PRLR: variants seen among roughly 807,000 people sequenced by gnomAD.
The protein encoded by PRLR is hPRL receptor.
A neutral mutation model predicts 40.2 loss-of-function variants in PRLR; 13 were observed. The observed-to-expected ratio is 0.32, with a 90% confidence interval of 0.21 to 0.51. The LOEUF is 0.51. Ranked by LOEUF, PRLR falls within the 20% of genes least tolerant of loss-of-function variation. The probability of loss-of-function intolerance (pLI) is 0.97; values close to 1 mark genes in which losing one functional copy is unlikely to be tolerated. For synonymous variants in PRLR, 269 were observed against 278.7 expected (o/e 0.97, Z 0.35); for missense variants, 656 against 747.3 (o/e 0.88, Z 1.42).
intron 2 of PRLR, among the ~76,000 whole-genome samples, chr5:35,094,265 G>A (rs950901493): frequency 1.3e-5 from 2 of 151,864 alleles, no homozygotes; most frequent in Admixed American, 1.3e-4. Flanking sequence ...TATATAAATA[G>A]GATCATACAA....
intron 1 of PRLR, among the ~76,000 whole-genome samples, chr5:35,137,921 C>T (rs560595426): frequency 1.1e-4 from 17 of 152,150 alleles, no homozygotes; most frequent in South Asian, 2.1e-4. Flanking sequence ...GATGACAGAG[C>T]GAGACTCCAT....
At chr5:35,106,042 G>A (rs1320540849) in intron 2 of PRLR, among the ~76,000 whole-genome samples, 10 of 152,324 alleles carry the variant, frequency 6.6e-5, no homozygotes, top group East Asian at 1.9e-4. Flanking sequence ...CAGAAACTCT[G>A]CAAGCCAGAA....
intron 1 of PRLR, among the ~76,000 whole-genome samples, chr5:35,227,593 C>T (rs907305188): frequency 1.3e-5 from 2 of 152,210 alleles, no homozygotes; most frequent in African/African-American, 4.8e-5. Flanking sequence ...GAATACCTCA[C>T]CAAAGTATAC....
rs895619800 is a variant in PRLR, at chr5:35,060,756, C to T, written c.*4333G>A. On this transcript the variant is annotated 3_prime_UTR_variant, in exon 10 of 10. Coordinates refer to ENST00000618457, the MANE Select transcript of PRLR (RefSeq NM_000949.7). ...GAGACTTTCGTCAATGGCACATCTACGTTAGCAATGCTTGGGATGGTAATT... is the reference window on the plus strand; with the variant it reads ...GAGACTTTCGTCAATGGCACATCTATGTTAGCAATGCTTGGGATGGTAATT... 1.2e-4 allele frequency: 18 copies of T among 152,298 alleles called. No homozygotes were observed. The highest frequency in any genetic ancestry group is 4.1e-4 in the South Asian group (2 of 4,828). 9.4% of individuals were successfully genotyped at this position (152,298 alleles called of 1,614,324 possible).
intron 1 of PRLR, among the ~76,000 whole-genome samples, chr5:35,197,611 T>C (rs1775771896): frequency 2.0e-5 from 3 of 152,218 alleles, no homozygotes; most frequent in African/African-American, 4.8e-5. Flanking sequence ...GAGGCTGATA[T>C]AGTAATTGAT....
At chr5:35,171,960 GTATT>G (rs1431783488) in intron 1 of PRLR, among the ~76,000 whole-genome samples, 4 of 152,178 alleles carry the variant, frequency 2.6e-5, no homozygotes, top group Non-Finnish European at 5.9e-5. Context: ...GAATGCAAAT[GTATT>G]TATTTATTTT....
intron 1 of PRLR, among the ~76,000 whole-genome samples, chr5:35,157,745 T>C (rs918144546): frequency 3.7e-4 from 57 of 152,250 alleles, no homozygotes; most frequent in African/African-American, 1.4e-3. Flanking sequence ...TAAAATTCTC[T>C]TTCATACTCG....
At chr5:35,201,731 T>C (rs569763747) in intron 1 of PRLR, among the ~76,000 whole-genome samples, 2 of 152,290 alleles carry the variant, frequency 1.3e-5, no homozygotes, top group South Asian at 4.1e-4. Context: ...CCTCTTTTCT[T>C]CTGTTCTTTT....
intron 1 of PRLR, among the ~76,000 whole-genome samples, chr5:35,141,909 T>C (rs539334565): frequency 3.9e-5 from 6 of 152,314 alleles, no homozygotes; most frequent in Non-Finnish European, 8.8e-5. Context: ...TCTTAACTGG[T>C]TCCCGTCTCC....
At chr5:35,157,916 T>C (rs1205392901) in intron 1 of PRLR, among the ~76,000 whole-genome samples, 2 of 152,202 alleles carry the variant, frequency 1.3e-5, no homozygotes, top group African/African-American at 2.4e-5. Context: ...TTTCAATTAA[T>C]ACATTAAAAA....
intron 1 of PRLR, among the ~76,000 whole-genome samples, chr5:35,173,466 C>A (rs548977385): frequency 6.6e-6 from 1 of 152,140 alleles, no homozygotes; most frequent in Admixed American, 6.5e-5. Flanking sequence ...TTCAGGACCC[C>A]GCACAGCTCA....
intron 8 of PRLR, 44 bp downstream of exon 8, chr5:35,068,735 T>G (rs766655629): frequency 5.0e-6 from 7 of 1,388,574 alleles, no homozygotes; most frequent in Non-Finnish European, 7.1e-6. Context: ...TCATTATCCT[T>G]GACTATCATG....
At chr5:35,118,967 T>G (rs1773175713) in intron 1 of PRLR, among the ~76,000 whole-genome samples, 2 of 152,084 alleles carry the variant, frequency 1.3e-5, no homozygotes, top group African/African-American at 4.8e-5. Flanking sequence ...GCGAAGTTTT[T>G]GTATTTTTAG....
chr5:35,175,822 TTTC>T (rs1775132372), intron 1 of PRLR, among the ~76,000 whole-genome samples: 1 of 152,056 alleles, frequency 6.6e-6, no homozygotes, highest in Admixed American at 6.5e-5. Context: ...CCACACTCAC[TTTC>T]TTCTTCTTAT....
chr5:35,075,252 G>A (rs983994930), intron 5 of PRLR, among the ~76,000 whole-genome samples: 27 of 152,176 alleles, frequency 1.8e-4, no homozygotes, highest in African/African-American at 6.0e-4. Flanking sequence ...TGTCTCACCC[G>A]GGAAGTGCAA....
intron 1 of PRLR, among the ~76,000 whole-genome samples, chr5:35,167,844 T>G (rs762113143): frequency 3.1e-4 from 45 of 143,432 alleles, no homozygotes; most frequent in Non-Finnish European, 5.8e-4. Flanking sequence ...AAAATTGTCA[T>G]TGTTTAAAAT....
chr5:35,160,353 A>G (rs1044230719), intron 1 of PRLR, among the ~76,000 whole-genome samples: 3 of 152,220 alleles, frequency 2.0e-5, no homozygotes, highest in African/African-American at 7.2e-5. Context: ...CTTTGCAAAA[A>G]TTGTATCAGT....
At chr5:35,075,634 T>C (rs1411159677) in intron 5 of PRLR, among the ~76,000 whole-genome samples, 1 of 152,188 alleles carries the variant, frequency 6.6e-6, no homozygotes, top group Admixed American at 6.5e-5. Flanking sequence ...GAACAAAAGG[T>C]AGCAGAAACT....
chr5:35,221,636 C>A (rs1776422399), intron 1 of PRLR, among the ~76,000 whole-genome samples: 1 of 152,122 alleles, frequency 6.6e-6, no homozygotes, highest in Non-Finnish European at 1.5e-5. Context: ...ACCTGGAGAA[C>A]TGTAAATAAA....
Sources: allele counts gnomAD v4.1 joint callset (sites outside exome capture counted in the v4.1 genomes callset), GRCh38; gene constraint gnomAD v4.1.1; transcripts MANE v1.5; gene names NCBI Gene and HGNC (gene_info 2026-07-23, HGNC 2026-07-21).